Variants in PCDH9 observed in about 807,000 individuals in gnomAD.
PCDH9 encodes protocadherin 9, also known as protocadherin-9.
A neutral mutation model predicts 70.6 loss-of-function variants in PCDH9; 24 were observed. That is an observed-to-expected ratio of 0.34 (90% CI 0.25 to 0.48). PCDH9 has a LOEUF of 0.48. Ranked by LOEUF, PCDH9 falls within the 20% of genes least tolerant of loss-of-function variation. PCDH9 has a pLI of 0.99. For synonymous variants in PCDH9, 562 were observed against 558.5 expected (o/e 1.01, Z -0.09); for missense variants, 1,281 against 1,503.6 (o/e 0.85, Z 2.45).
chr13:66,899,490 C>A (rs2082242081), intron 3 of PCDH9, among the ~76,000 whole-genome samples: 1 of 151,988 alleles, frequency 6.6e-6, no homozygotes, highest in Non-Finnish European at 1.5e-5. Flanking sequence ...AACACTAAAC[C>A]ATTTTGTAAA....
chr13:67,066,326 C>T (rs260138), intron 2 of PCDH9, among the ~76,000 whole-genome samples: 150,791 of 151,992 alleles, frequency 0.99, 74,816 homozygotes, highest in East Asian at 1. Context: ...CTCTGTCTCC[C>T]GGGTTCAAGC....
At chr13:67,088,154 C>T (rs1050495961) in intron 2 of PCDH9, among the ~76,000 whole-genome samples, 15 of 150,872 alleles carry the variant, frequency 9.9e-5, no homozygotes, top group Non-Finnish European at 2.2e-4. Context: ...AGAATTTCTG[C>T]TTGGATGGCT....
chr13:66,747,750 T>G (rs1391176201), intron 3 of PCDH9, among the ~76,000 whole-genome samples: 1 of 152,174 alleles, frequency 6.6e-6, no homozygotes, highest in African/African-American at 2.4e-5. Context: ...TACACACACA[T>G]ACACAGACAT....
chr13:66,505,548 C>T (rs1418149036), intron 4 of PCDH9, among the ~76,000 whole-genome samples: 1 of 151,380 alleles, frequency 6.6e-6, no homozygotes, highest in Non-Finnish European at 1.5e-5. Flanking sequence ...TTAATTGGCT[C>T]ACAGTTCCAT....
chr13:66,972,324 A>G (rs1165611741), intron 2 of PCDH9, among the ~76,000 whole-genome samples: 1 of 152,006 alleles, frequency 6.6e-6, no homozygotes, highest in Non-Finnish European at 1.5e-5. Flanking sequence ...AATTACAGAC[A>G]CAAATAGTAG....
At chr13:66,580,987 G>C (rs939301694) in intron 4 of PCDH9, among the ~76,000 whole-genome samples, 1 of 152,030 alleles carries the variant, frequency 6.6e-6, no homozygotes, top group East Asian at 1.9e-4. Context: ...CTGATCTATA[G>C]GCTACAGCCT....
At chr13:67,128,467 G>T (rs1431080058) in intron 2 of PCDH9, among the ~76,000 whole-genome samples, 2 of 152,116 alleles carry the variant, frequency 1.3e-5, no homozygotes, top group Non-Finnish European at 2.9e-5. Context: ...GTGTCAAAGG[G>T]TTTACATGAC....
intron 3 of PCDH9, among the ~76,000 whole-genome samples, chr13:66,769,490 T>G (rs959432541): frequency 2.6e-5 from 4 of 152,058 alleles, no homozygotes; most frequent in Admixed American, 2.0e-4. Context: ...TGGTTTTTTT[T>G]TTTTCAGATA....
chr13:66,669,632 G>A (rs1297114732), intron 3 of PCDH9, among the ~76,000 whole-genome samples: 2 of 152,130 alleles, frequency 1.3e-5, no homozygotes, highest in African/African-American at 4.8e-5. Context: ...GGGAATGGAG[G>A]ATAAGAAAGT....
At chr13:67,203,308 G>A (rs1365842312) in intron 2 of PCDH9, 1 of 151,958 alleles carries the variant, frequency 6.6e-6, no homozygotes, top group Non-Finnish European at 1.5e-5. Context: ...CCTTCATTAT[G>A]GTTAATAGAC....
intron 4 of PCDH9, among the ~76,000 whole-genome samples, chr13:66,517,995 T>C (rs1959817492): frequency 6.6e-6 from 1 of 152,116 alleles, no homozygotes; most frequent in Non-Finnish European, 1.5e-5. Context: ...CCTGCATTGC[T>C]ATAAAGAAAT....
chr13:67,168,188 T>C (rs984623750), intron 2 of PCDH9, among the ~76,000 whole-genome samples: 4 of 152,196 alleles, frequency 2.6e-5, no homozygotes, highest in Non-Finnish European at 5.9e-5. Flanking sequence ...GACAAAACCT[T>C]TATTCTTGCA....
chr13:67,023,199 G>A (rs564802763), intron 2 of PCDH9, among the ~76,000 whole-genome samples: 2 of 150,444 alleles, frequency 1.3e-5, no homozygotes, highest in African/African-American at 2.5e-5. Context: ...TCTTTTAGAA[G>A]AATATTTGTT....
At chr13:67,205,577 TA>T (rs1209098864) in intron 2 of PCDH9, 1 of 152,200 alleles carries the variant, frequency 6.6e-6, no homozygotes, top group Non-Finnish European at 1.5e-5. Context: ...TTTTATTTTC[TA>T]GGGATATTAC....
chr13:66,351,018 C>CAAGA (rs1170949531), intron 4 of PCDH9, among the ~76,000 whole-genome samples: 4 of 152,206 alleles, frequency 2.6e-5, no homozygotes, highest in African/African-American at 9.6e-5. Flanking sequence ...TGAACATAAC[C>CAAGA]AAGAAGATGG....
At chr13:66,585,955 T>C (rs1188277238) in intron 4 of PCDH9, among the ~76,000 whole-genome samples, 1 of 152,186 alleles carries the variant, frequency 6.6e-6, no homozygotes, top group African/African-American at 2.4e-5. Context: ...GTGATTTATC[T>C]TGGGTCAAGA....
intron 3 of PCDH9, among the ~76,000 whole-genome samples, chr13:66,786,852 A>G (rs2080087983): frequency 1.3e-5 from 2 of 152,210 alleles, no homozygotes; most frequent in African/African-American, 4.8e-5. Flanking sequence ...AAGAAAGGAG[A>G]TAAAAAAATT....
intron 4 of PCDH9, among the ~76,000 whole-genome samples, chr13:66,425,374 C>T (rs1392933438): frequency 1.3e-5 from 2 of 151,470 alleles, no homozygotes; most frequent in Admixed American, 6.6e-5. Context: ...CCTATCACAC[C>T]GACTAGGTAA....
At chr13:66,857,631 T>C (rs2081416149) in intron 3 of PCDH9, among the ~76,000 whole-genome samples, 2 of 152,170 alleles carry the variant, frequency 1.3e-5, no homozygotes, top group African/African-American at 4.8e-5. Flanking sequence ...ATCAGAAGTT[T>C]AAACAAATTC....
Sources: allele counts gnomAD v4.1 joint callset (sites outside exome capture counted in the v4.1 genomes callset), GRCh38; gene constraint gnomAD v4.1.1; transcripts MANE v1.5; gene names NCBI Gene and HGNC (gene_info 2026-07-23, HGNC 2026-07-21).